Variants in ARRDC3 observed in about 807,000 individuals in gnomAD.
ARRDC3 encodes the protein arrestin domain-containing protein 3.
In ARRDC3, 10 loss-of-function variants were observed where a neutral mutation model predicts 47.2. The ratio of observed to expected loss-of-function variants is 0.21; its 90% CI spans 0.13 to 0.36. The LOEUF is 0.36. Among genes scored for constraint, ARRDC3 ranks in the 10% least tolerant of loss-of-function variants. The pLI is 1.00. For synonymous variants in ARRDC3, 156 were observed against 178.3 expected (o/e 0.87, Z 1.00); for missense variants, 381 against 503.6 (o/e 0.76, Z 2.33).
rs1799167486 is a variant in ARRDC3 at position 91,371,207 on chromosome 5, C to T, written c.*193G>A. On this transcript the variant is annotated 3_prime_UTR_variant, in exon 8 of 8. Coordinates refer to ENST00000265138, the MANE Select transcript of ARRDC3 (RefSeq NM_020801.4). ...AAAGAGAAAAGCTTAGATCTTCAAGCATGTTGGAGCAGTCTCAGAATGTTG... is the reference window on the plus strand; with the variant it reads ...AAAGAGAAAAGCTTAGATCTTCAAGTATGTTGGAGCAGTCTCAGAATGTTG... 3.6e-6 allele frequency: 2 copies of T among 559,926 alleles called. No homozygotes were observed. Among genetic ancestry groups the T allele is most frequent in the South Asian group, 4.9e-5 (2 of 40,620 alleles). 34.7% of individuals were successfully genotyped at this position (559,926 alleles called of 1,614,324 possible). A position where few individuals can be genotyped will look rare whatever the true frequency, so the allele number is the denominator to read the frequency against.
rs1799291535 is a variant in ARRDC3, at chr5:91,375,996, A to G, written c.511-383T>C. Among the ~76,000 whole-genome samples, 3 of 152,304 alleles carry G rather than the reference A, an allele frequency of 2.0e-5. No homozygotes were observed. In the South Asian group the frequency reaches 6.2e-4, roughly 32 times the overall value. On this transcript the variant is annotated intron_variant, in intron 3 of 7. Coordinates refer to ENST00000265138, the MANE Select transcript of ARRDC3 (RefSeq NM_020801.4). ...AAGAAAGCAATCTGATTATAATTCC[A>G]AATGTTAACATCTTTCTCTGAGACT...
In ARRDC3 at chr5:91,383,315, G is replaced by T; in HGVS notation, c.-223C>A. ...CTCGTCTCAGTGGTCTCCTTACAAA[G>T]ACGGGCGGCTAAAAGCTGCCAGCTC... On this transcript the variant is annotated 5_prime_UTR_variant, in exon 1 of 8. Coordinates refer to ENST00000265138, the MANE Select transcript of ARRDC3 (RefSeq NM_020801.4). 2.2e-6 allele frequency: 1 copy of T among 454,770 alleles called. No homozygotes were observed. The highest frequency in any genetic ancestry group is 3.8e-6 in the Non-Finnish European group (1 of 261,142). 28.2% of individuals were successfully genotyped at this position (454,770 alleles called of 1,614,324 possible).
chr5:91,374,847 C>T lies in ARRDC3; in HGVS notation c.870+75G>A, dbSNP rs1355360652. On this transcript the variant is annotated intron_variant, in intron 5 of 7. Transcript: ENST00000265138. The stretch of plus-strand genomic sequence containing the variant: ...CTGTAGCGGAGCTGAGACTGTGCCA[C>T]TGCATTCCAGCCTGGGTGACAGGTG... 1.5e-5 allele frequency: 22 copies of T among 1,472,404 alleles called. No homozygotes were observed. The East Asian group carries it at 5.2e-4, about 35-fold the overall frequency. 91.2% of individuals were successfully genotyped at this position (1,472,404 alleles called of 1,614,324 possible).
Position 91,374,982 on chromosome 5 carries a change from A to G in ARRDC3, c.810T>C (p.Ile270=). 1 of 1,614,232 alleles carries G rather than the reference A, an allele frequency of 6.2e-7. No individual in the cohort carries two copies. Among genetic ancestry groups the G allele is most frequent in the Non-Finnish European group, 8.5e-7 (1 of 1,180,024 alleles). ...CGAGGATAGAGGGAGAAACTGGTGG[A>G]ATTTTCAGCAACTTGCCATTCCACG... The part of the protein sequence containing the change: ...TETWNGKLLK[I]PPVSPSILDC... Residue 270 remains isoleucine, a synonymous_variant, in exon 5 of 8, where the codon ATT becomes ATC. Coordinates refer to ENST00000265138, the MANE Select transcript of ARRDC3 (RefSeq NM_020801.4).
At chr5:91,380,179 A>C (rs1799413607) in intron 1 of ARRDC3, 1 of 160,084 alleles carries the variant, frequency 6.2e-6, no homozygotes, top group Non-Finnish European at 1.3e-5. Context: ...GACCGGCCTA[A>C]ACCGGCGCGA....
Position 91,369,941 on chromosome 5 carries a change from T to C in ARRDC3, c.*1459A>G, listed in dbSNP as rs369735759. ...CATAATCAAAGTGAGTGATTTCTCATGTTTAGCAAATTGTTCTTTAGGTAA... is the reference window on the plus strand; with the variant it reads ...CATAATCAAAGTGAGTGATTTCTCACGTTTAGCAAATTGTTCTTTAGGTAA... On this transcript the variant is annotated 3_prime_UTR_variant, in exon 8 of 8. Transcript: ENST00000265138. 1 of 152,340 alleles carries C rather than the reference T, an allele frequency of 6.6e-6. No homozygotes were observed. The highest frequency in any genetic ancestry group is 2.4e-5 in the African/African-American group (1 of 41,580). 9.4% of individuals were successfully genotyped at this position (152,340 alleles called of 1,614,324 possible).
chr5:91,371,064 C>A lies in ARRDC3; in HGVS notation c.*336G>T. The A allele has an allele frequency of 4.4e-6, 1 of 229,366 alleles. No individual in the cohort carries two copies. Among genetic ancestry groups the A allele is most frequent in the Non-Finnish European group, 8.2e-6 (1 of 121,452 alleles). 14.2% of individuals were successfully genotyped at this position (229,366 alleles called of 1,614,324 possible). Reference sequence around the variant, plus strand: ...GTGACGTCGAACCGCACAATGTAAGCATTGAGCATGTGCAAATTTTCAAAT... The same window carrying A: ...GTGACGTCGAACCGCACAATGTAAGAATTGAGCATGTGCAAATTTTCAAAT... On this transcript the variant is annotated 3_prime_UTR_variant, in exon 8 of 8. Coordinates refer to ENST00000265138, the MANE Select transcript of ARRDC3 (RefSeq NM_020801.4).
intron 1 of ARRDC3, among the ~76,000 whole-genome samples, chr5:91,379,666 G>A (rs1799395239): frequency 3.3e-5 from 5 of 151,834 alleles, no homozygotes; most frequent in Non-Finnish European, 4.4e-5. Context: ...GGGGGTTCTA[G>A]ATCATTAAAG....
At chr5:91,372,713 T>C (rs756282261) in intron 7 of ARRDC3, among the ~76,000 whole-genome samples, 14 of 152,268 alleles carry the variant, frequency 9.2e-5, no homozygotes, top group South Asian at 6.2e-4. Flanking sequence ...CTTCCAGTTA[T>C]GGTGTTAATA....
chr5:91,371,939 T>C (rs763257056), intron 7 of ARRDC3, among the ~76,000 whole-genome samples: 2 of 152,114 alleles, frequency 1.3e-5, no homozygotes, highest in Non-Finnish European at 2.9e-5. Context: ...GTTTATACAA[T>C]GTGCAAACAA....
Position 91,375,136 on chromosome 5 carries a change from G to A in ARRDC3, c.656C>T (p.Ser219Phe), listed in dbSNP as rs749816690. ...GGCTGCCTTTGGCACCACCATTCGGGAAGAGCAGTTCTCAATCTCAGCAAA... is the reference window on the plus strand; with the variant it reads ...GGCTGCCTTTGGCACCACCATTCGGAAAGAGCAGTTCTCAATCTCAGCAAA... ...QIFAEIENCS[S>F]RMVVPKAAIY... Residue 219 changes from serine to phenylalanine, a missense_variant, in exon 5 of 8, where the codon TCC becomes TTC. Ser to Phe is a radical substitution (Grantham distance 155, BLOSUM62 -2). Transcript: ENST00000265138. The A allele has an allele frequency of 1.2e-6, 2 of 1,613,902 alleles. No homozygotes were observed. The highest frequency in any genetic ancestry group is 1.7e-5 in the Admixed American group (1 of 59,996).
At chr5:91,379,292 T>TA (rs377674022) in intron 1 of ARRDC3, among the ~76,000 whole-genome samples, 39,416 of 107,622 alleles carry the variant, frequency 0.37, 6,940 homozygotes, top group Admixed American at 0.44. Flanking sequence ...ATAGACGGAG[T>TA]AAAAAAAAAA....
At chr5:91,380,944 G>C (rs1052832958) in intron 1 of ARRDC3, 2 of 152,236 alleles carry the variant, frequency 1.3e-5, no homozygotes, top group Non-Finnish European at 2.9e-5. Context: ...GGCTGGGTGG[G>C]GGTCGCTCTG....
At position 91,368,743 on chromosome 5, in the gene ARRDC3, AC is replaced by A. The variant is rs765571449; in HGVS notation, c.*2656del. The A allele has an allele frequency of 6.6e-5, 10 of 152,636 alleles. No individual in the cohort carries two copies. Among genetic ancestry groups the A allele is most frequent in the Non-Finnish European group, 1.5e-5 (1 of 68,048 alleles). The allele number at this position is 152,636 out of a possible 1,614,324, so 9.5% of individuals were successfully genotyped here. ...AAACAATTATACAAAACAGAAAAAA[AC>A]AAAACACTTTATTTTCCACAAGGAA... On this transcript the variant is annotated 3_prime_UTR_variant, in exon 8 of 8. Coordinates refer to ENST00000265138, the MANE Select transcript of ARRDC3 (RefSeq NM_020801.4).
At position 91,376,766 on chromosome 5, in the gene ARRDC3, G is replaced by A; in HGVS notation, c.365C>T (p.Pro122Leu). 6.2e-7 allele frequency: 1 copy of A among 1,612,044 alleles called. No individual in the cohort carries two copies. The highest frequency in any genetic ancestry group is 8.5e-7 in the Non-Finnish European group (1 of 1,179,294). The part of the protein sequence containing the change: ...YAFSFELPQT[P>L]LATSFEGRHG... ...TCGGCCTTCGAATGAGGTAGCGAGT[G>A]GTCTGTGCAGAATATAAAGGTCAAT... The change falls in exon 3 of 8, where the codon CCA becomes CTA. Residue 122 changes from proline to leucine, a missense_variant and splice_region_variant. Pro to Leu is a moderately conservative substitution (Grantham distance 98). Coordinates refer to ENST00000265138, the MANE Select transcript of ARRDC3 (RefSeq NM_020801.4).
In ARRDC3 at chr5:91,373,797, G is replaced by A. The variant is rs777796833; in HGVS notation, c.1075C>T (p.Arg359Trp). The A allele has an allele frequency of 4.3e-6, 7 of 1,613,910 alleles. No homozygotes were observed. Among genetic ancestry groups the A allele is most frequent in the African/African-American group, 4.0e-5 (3 of 74,906 alleles). Residue 359 changes from arginine to tryptophan, a missense_variant, in exon 7 of 8, where the codon CGG becomes TGG. By Grantham distance (101) the Arg-to-Trp change is moderately radical. Transcript: ENST00000265138. ...YAEVVTEEQR[R>W]NNLAPVSACD... ...GCACTCACTGGTGCAAGATTGTTCCGCCTTTGTTCCTCTGTTACCACTTCT... is the reference window on the plus strand; with the variant it reads ...GCACTCACTGGTGCAAGATTGTTCCACCTTTGTTCCTCTGTTACCACTTCT...
intron 3 of ARRDC3, among the ~76,000 whole-genome samples, chr5:91,375,954 G>A (rs1445153629): frequency 6.6e-6 from 1 of 151,832 alleles, no homozygotes; most frequent in Non-Finnish European, 1.5e-5. Context: ...CATTTAAACT[G>A]CCTTAAAAAG....
intron 5 of ARRDC3, 29 bp downstream of exon 5, chr5:91,374,893 A>G: frequency 6.2e-7 from 1 of 1,600,926 alleles, no homozygotes; most frequent in Non-Finnish European, 8.5e-7. Context: ...GAAAAAAGAA[A>G]GGAAAAAACC....
chr5:91,376,780 A>G lies in ARRDC3; in HGVS notation c.363-12T>C. 6.3e-7 allele frequency: 1 copy of G among 1,599,344 alleles called. No individual in the cohort carries two copies. Among genetic ancestry groups the G allele is most frequent in the Non-Finnish European group, 8.5e-7 (1 of 1,174,542 alleles). On this transcript the variant is annotated splice_polypyrimidine_tract_variant and intron_variant, in intron 2 of 7. Transcript: ENST00000265138. Reference sequence around the variant, plus strand: ...AGGTAGCGAGTGGTCTGTGCAGAATATAAAGGTCAATATATTAATTTTATA... The same window carrying G: ...AGGTAGCGAGTGGTCTGTGCAGAATGTAAAGGTCAATATATTAATTTTATA...
Sources: allele counts gnomAD v4.1 joint callset (sites outside exome capture counted in the v4.1 genomes callset), GRCh38; gene constraint gnomAD v4.1.1; transcripts MANE v1.5; gene names NCBI Gene and HGNC (gene_info 2026-07-23, HGNC 2026-07-21).